PBX4: variants seen among roughly 807,000 people sequenced by gnomAD.
PBX4 encodes the protein PBX homeobox 4.
In PBX4, 26 loss-of-function variants were observed where a neutral mutation model predicts 35.1. That is an observed-to-expected ratio of 0.74 (90% confidence interval 0.54 to 1.03). The LOEUF (loss-of-function observed/expected upper bound fraction) is 1.03, where lower values mean the gene tolerates loss of function less well. PBX4 is among the 50% of genes least tolerant of loss of function. The probability of loss-of-function intolerance (pLI) is 0.00; values close to 1 mark genes in which losing one functional copy is unlikely to be tolerated. For synonymous variants in PBX4, 199 were observed against 204.2 expected (o/e 0.97, Z 0.22); for missense variants, 448 against 504.3 (o/e 0.89, Z 1.07).
intron 1 of PBX4, among the ~76,000 whole-genome samples, chr19:19,603,948 T>G (rs1408842222): frequency 1.9e-5 from 2 of 105,776 alleles, no homozygotes; most frequent in Admixed American, 2.1e-4. Flanking sequence ...CGAGACTCCA[T>G]CTCAAAAAAA....
intron 2 of PBX4, among the ~76,000 whole-genome samples, chr19:19,594,317 A>G (rs1480344999): frequency 1.3e-5 from 2 of 151,352 alleles, no homozygotes; most frequent in Non-Finnish European, 2.9e-5. Flanking sequence ...AGGCAGGAAA[A>G]TTGCTTGAAC....
intron 5 of PBX4, among the ~76,000 whole-genome samples, chr19:19,565,936 C>CT (rs1202225270): frequency 3.3e-5 from 5 of 150,014 alleles, no homozygotes; most frequent in African/African-American, 9.8e-5. Flanking sequence ...TATATTTTTT[C>CT]TTTTTTTTTA....
intron 2 of PBX4, among the ~76,000 whole-genome samples, chr19:19,587,931 G>A (rs186441869): frequency 1.0e-3 from 157 of 152,174 alleles, no homozygotes; most frequent in Non-Finnish European, 1.9e-3. Flanking sequence ...ATGCCTGGGT[G>A]AAGGGAGAGG....
In PBX4 at chr19:19,569,576, C is replaced by T. The variant is rs750891971; in HGVS notation, c.641G>A (p.Arg214Gln). 67 of 1,613,028 alleles carry T rather than the reference C, an allele frequency of 4.2e-5. No homozygotes were observed. The highest frequency in any genetic ancestry group is 5.0e-5 in the Non-Finnish European group (59 of 1,179,588). ...RSRLLDARRK[R>Q]RNFSKQATEV... Reference sequence around the variant, plus strand: ...CGTCGCCTGCTTGCTGAAATTCCGCCGCTTGCGCCTGCAAAAACAGCCGCC... The same window carrying T: ...CGTCGCCTGCTTGCTGAAATTCCGCTGCTTGCGCCTGCAAAAACAGCCGCC... The change falls in exon 5 of 8, where the codon CGG becomes CAG. Residue 214 changes from arginine to glutamine, a missense_variant. Arg to Gln is a conservative substitution (Grantham distance 43). Coordinates refer to ENST00000251203, the MANE Select transcript of PBX4 (RefSeq NM_025245.3).
chr19:19,594,209 C>T (rs185741822), intron 2 of PBX4, among the ~76,000 whole-genome samples: 68 of 151,978 alleles, frequency 4.5e-4, no homozygotes, highest in East Asian at 2.3e-3. Flanking sequence ...AGTTCAAGAC[C>T]AGCCTGACCA....
intron 6 of PBX4, 83 bp downstream of exon 6, chr19:19,564,850 G>T: frequency 6.6e-7 from 1 of 1,526,558 alleles, no homozygotes; most frequent in Non-Finnish European, 9.0e-7. Flanking sequence ...AGGGAGATGT[G>T]GTCCCACTGT....
At chr19:19,575,048 C>T (rs112872679) in intron 2 of PBX4, among the ~76,000 whole-genome samples, 12 of 151,764 alleles carry the variant, frequency 7.9e-5, no homozygotes, top group African/African-American at 2.4e-4. Flanking sequence ...CTGGCTAACA[C>T]GGTGAAACCC....
chr19:19,564,879 TC>T, intron 6 of PBX4, 53 bp downstream of exon 6: 1 of 1,608,782 alleles, frequency 6.2e-7, no homozygotes, highest in Non-Finnish European at 8.5e-7. Context: ...CAGATGCAGC[TC>T]AGTGGCCGTC....
In PBX4 at chr19:19,562,864, G is replaced by T. The variant is rs2061316476; in HGVS notation, c.1032+645C>A. 6.6e-6 allele frequency among the ~76,000 whole-genome samples: 1 copy of T among 152,190 alleles called. No homozygotes were observed. On this transcript the variant is annotated intron_variant, in intron 7 of 7. Transcript: ENST00000251203. The surrounding 1 kb of genome is among the most constrained non-coding windows in gnomAD (Gnocchi z 4.8). Reference sequence around the variant, plus strand: ...GCTGGGGGCTGCATGGTGATGGGGGGCAGCTGCCACAGCAGGACAGTGTGG... The same window carrying T: ...GCTGGGGGCTGCATGGTGATGGGGGTCAGCTGCCACAGCAGGACAGTGTGG...
intron 2 of PBX4, chr19:19,588,404 G>T: frequency 7.4e-7 from 1 of 1,346,844 alleles, no homozygotes. Context: ...AAATCAGGAT[G>T]ATGTTTAGCC....
Position 19,563,640 on chromosome 19 carries a change from G to A in PBX4, c.926-25C>T. On this transcript the variant is annotated intron_variant, in intron 6 of 7. Transcript: ENST00000251203. The surrounding 1 kb of genome is among the most constrained non-coding windows in gnomAD (Gnocchi z 5.1). Reference sequence around the variant, plus strand: ...CCTGGAAGAGATGGGAGCCGGGGTGGGCAGAGTCGTGGCGCCTCCTCAGGT... The same window carrying A: ...CCTGGAAGAGATGGGAGCCGGGGTGAGCAGAGTCGTGGCGCCTCCTCAGGT... 1 of 1,541,138 alleles carries A rather than the reference G, an allele frequency of 6.5e-7. No homozygotes were observed. The highest frequency in any genetic ancestry group is 1.4e-5 in the African/African-American group (1 of 72,836).
Position 19,563,553 on chromosome 19 carries a change from C to T in PBX4, c.988G>A (p.Ala330Thr). ...CCCCCAGGAGGAGGCTGGAGAGAGG[C>T]CAGAGTCCGCAGGGTGAGGAAGGCG... ...GDAFLTLRTL[A>T]SLQPPPGGGC... The change falls in exon 7 of 8, where the codon GCC becomes ACC. Residue 330 changes from alanine (A) to threonine (T), a missense_variant. Physicochemically the swap from Ala to Thr is moderately conservative, Grantham distance 58 (BLOSUM62 0). Coordinates refer to ENST00000251203, the MANE Select transcript of PBX4 (RefSeq NM_025245.3). The surrounding 1 kb of genome is among the most constrained non-coding windows in gnomAD (Gnocchi z 5.1). The T allele has an allele frequency of 6.4e-7, 1 of 1,550,674 alleles. No homozygotes were observed. Among genetic ancestry groups the T allele is most frequent in the Non-Finnish European group, 8.7e-7 (1 of 1,147,084 alleles).
intron 1 of PBX4, among the ~76,000 whole-genome samples, chr19:19,610,696 A>G (rs1420408985): frequency 1.3e-5 from 2 of 150,996 alleles, no homozygotes; most frequent in Non-Finnish European, 3.0e-5. Context: ...TGGAGGTTGC[A>G]GTGAGCCGAG....
At chr19:19,600,858 A>G (rs1368408507) in intron 1 of PBX4, among the ~76,000 whole-genome samples, 2 of 152,126 alleles carry the variant, frequency 1.3e-5, no homozygotes, top group South Asian at 2.1e-4. Context: ...AGAACTATGA[A>G]ATATCAAGGT....
chr19:19,578,778 C>T (rs945472830), intron 2 of PBX4, among the ~76,000 whole-genome samples: 1 of 152,108 alleles, frequency 6.6e-6, no homozygotes, highest in Non-Finnish European at 1.5e-5. Context: ...ATGTCGAAGC[C>T]CTAACTCCCA....
chr19:19,564,420 C>G (rs1315542990), intron 6 of PBX4, among the ~76,000 whole-genome samples: 3 of 151,950 alleles, frequency 2.0e-5, no homozygotes, highest in African/African-American at 4.8e-5. Context: ...GGTTCCAAGT[C>G]TTTGCTATTG....
chr19:19,574,843 T>G (rs1393957625), intron 2 of PBX4, among the ~76,000 whole-genome samples: 1 of 151,928 alleles, frequency 6.6e-6, no homozygotes, highest in African/African-American at 2.4e-5. Flanking sequence ...AATCGTTTAT[T>G]GATTACAACG....
rs867423104 is a variant in PBX4 at position 19,605,080 on chromosome 19, T to C, written c.120-5715A>G. On this transcript the variant is annotated intron_variant, in intron 1 of 7. Coordinates refer to ENST00000251203, the MANE Select transcript of PBX4 (RefSeq NM_025245.3). ...AAAAAAATATATTTTAATATAAAAA[T>C]AGAAGAAACCTGGGGAACATGGTGA... Among the ~76,000 whole-genome samples, 11 of 151,664 alleles carry C rather than the reference T, an allele frequency of 7.3e-5. 1 individual carries two copies. Among genetic ancestry groups the C allele is most frequent in the African/African-American group, 2.2e-4 (9 of 41,468 alleles).
rs2061312123 is a variant in PBX4, at chr19:19,562,296, G to T, written c.1033-179C>A. ...AGGGGTCGGTCCTGGGTCACAGCTGGCCTTGCCACCTGACATGGGACATGG... is the reference window on the plus strand; with the variant it reads ...AGGGGTCGGTCCTGGGTCACAGCTGTCCTTGCCACCTGACATGGGACATGG... On this transcript the variant is annotated intron_variant, in intron 7 of 7. Transcript: ENST00000251203. This position sits in a 1 kb window ranked among gnomAD's most constrained non-coding sequence, Gnocchi z 4.8. Among the ~76,000 whole-genome samples the T allele has an allele frequency of 6.6e-6, 1 of 152,202 alleles. No individual in the cohort carries two copies. The highest frequency in any genetic ancestry group is 1.5e-5 in the Non-Finnish European group (1 of 68,036).
Sources: gnomAD v4.1 joint callset for allele counts (sites outside exome capture counted in the v4.1 genomes callset) on GRCh38, gnomAD v4.1.1 for gene constraint, Gnocchi (gnomAD v3.1) non-coding constraint, MANE v1.5 for transcripts, NCBI Gene and HGNC (gene_info 2026-07-23, HGNC 2026-07-21) for gene names.